ZNF335: variants seen among roughly 807,000 people sequenced by gnomAD.
ZNF335 encodes the protein NRC-interacting factor 1.
A neutral mutation model predicts 145.6 loss-of-function variants in ZNF335; 84 were observed. The observed-to-expected ratio is 0.58, with a 90% CI of 0.48 to 0.69. ZNF335 has a LOEUF of 0.69. Among genes scored for constraint, ZNF335 ranks in the 30% least tolerant of loss-of-function variants. The pLI, the probability that ZNF335 is intolerant of heterozygous loss-of-function variation, is 0.00. For synonymous variants in ZNF335, 761 were observed against 717.0 expected (o/e 1.06, Z -0.98); for missense variants, 1,865 against 1,809.7 (o/e 1.03, Z -0.55).
chr20:45,965,201 TCA>T (rs2083929122), intron 7 of ZNF335, among the ~76,000 whole-genome samples: 1 of 152,000 alleles, frequency 6.6e-6, no homozygotes. Flanking sequence ...AAGCTCCAAG[TCA>T]CACAGACTGC....
chr20:45,957,567 AG>A lies in ZNF335; in HGVS notation c.2442+18del. The A allele has an allele frequency of 6.2e-7, 1 of 1,611,056 alleles. No homozygotes were observed. The highest frequency in any genetic ancestry group is 1.1e-5 in the South Asian group (1 of 90,986). On this transcript the variant is annotated intron_variant, in intron 17 of 27. Coordinates refer to ENST00000322927, the MANE Select transcript of ZNF335 (RefSeq NM_022095.4). Reference sequence around the variant, plus strand: ...ACCTGCGGTAGCTGGGAAGGGGAGCAGGTTCCCAGGCAGCTCACCTGCAGGG... The same window carrying A: ...ACCTGCGGTAGCTGGGAAGGGGAGCAGTTCCCAGGCAGCTCACCTGCAGGG...
At chr20:45,964,194 G>A (rs2083907555) in intron 7 of ZNF335, 2 of 580,220 alleles carry the variant, frequency 3.4e-6, no homozygotes, top group Non-Finnish European at 2.8e-6. Context: ...TGTCAGCACA[G>A]TAGGACCTGG....
At chr20:45,952,059 G>A (rs1600521280) in intron 20 of ZNF335, 88 bp downstream of exon 20, 1 of 1,485,488 alleles carries the variant, frequency 6.7e-7, no homozygotes. Context: ...CAGAGGATCT[G>A]GCTTGAAAGG....
chr20:45,949,346 AG>A lies in ZNF335; in HGVS notation c.3805del (p.Leu1269PhefsTer104). ...HIQYEQGAPF[L>X]QESQIQYVPV... ...CCACGGCCCTACCTGGGACTCCTGA[AG>A]GAACGGGGCTCCTTGTTCATACTGG... On this transcript the variant is annotated frameshift_variant, in exon 26 of 28. Coordinates refer to ENST00000322927, the MANE Select transcript of ZNF335 (RefSeq NM_022095.4). LOFTEE classifies it high-confidence loss of function. The A allele has an allele frequency of 6.2e-7, 1 of 1,614,136 alleles. No individual in the cohort carries two copies. The highest frequency in any genetic ancestry group is 8.5e-7 in the Non-Finnish European group (1 of 1,180,016).
intron 17 of ZNF335, among the ~76,000 whole-genome samples, chr20:45,956,566 G>A (rs2083732322): frequency 6.6e-6 from 1 of 152,040 alleles, no homozygotes. Context: ...TTTGTAAGCA[G>A]AAAAACTCTA....
At chr20:45,953,211 ATGCC>A (rs2145362771) in intron 18 of ZNF335, among the ~76,000 whole-genome samples, 1 of 152,294 alleles carries the variant, frequency 6.6e-6, no homozygotes, top group Admixed American at 6.5e-5. Flanking sequence ...GAACATAAAC[ATGCC>A]TGCCCAAGCT....
At chr20:45,959,153 G>A (rs979222776) in intron 15 of ZNF335, 48 bp downstream of exon 15, 3 of 1,297,948 alleles carry the variant, frequency 2.3e-6, no homozygotes, top group Non-Finnish European at 3.0e-6. Flanking sequence ...TGCTGGGGCT[G>A]GGAGAAGCGG....
Position 45,957,685 on chromosome 20 carries a change from G to A in ZNF335, c.2348-5C>T. 3 of 1,614,112 alleles carry A rather than the reference G, an allele frequency of 1.9e-6. No homozygotes were observed. Among genetic ancestry groups the A allele is most frequent in the Non-Finnish European group, 2.5e-6 (3 of 1,179,978 alleles). On this transcript the variant is annotated splice_region_variant and splice_polypyrimidine_tract_variant and intron_variant, in intron 16 of 27. Coordinates refer to ENST00000322927, the MANE Select transcript of ZNF335 (RefSeq NM_022095.4). ...TCGCTGTCGACTCCTCAGCTCCTGG[G>A]TGGGGTGGGACCTAAGCCTGACAAA...
intron 18 of ZNF335, among the ~76,000 whole-genome samples, chr20:45,953,290 G>T (rs2083667558): frequency 6.6e-6 from 1 of 152,172 alleles, no homozygotes. Flanking sequence ...GCCTGAGCTT[G>T]CTCGGAGTGT....
At chr20:45,960,904 A>G in intron 10 of ZNF335, 22 bp from the exon 11 acceptor site, 1 of 1,612,988 alleles carries the variant, frequency 6.2e-7, no homozygotes. Flanking sequence ...AGGCCGAGGA[A>G]TTAGACCAGA....
At chr20:45,966,549 TTC>T (rs1377044335) in intron 6 of ZNF335, among the ~76,000 whole-genome samples, 1 of 142,752 alleles carries the variant, frequency 7.0e-6, no homozygotes, top group African/African-American at 2.8e-5. Flanking sequence ...TTCTTTTTCT[TTC>T]TTTTTTTTTT....
At chr20:45,972,050 G>A in intron 1 of ZNF335, 72 bp downstream of exon 1, 2 of 1,259,956 alleles carry the variant, frequency 1.6e-6, no homozygotes, top group Non-Finnish European at 2.1e-6. Context: ...CCTCGCCTCC[G>A]GGTATCCCCG....
At chr20:45,964,821 G>A (rs1478502709) in intron 7 of ZNF335, among the ~76,000 whole-genome samples, 2 of 152,180 alleles carry the variant, frequency 1.3e-5, no homozygotes, top group African/African-American at 2.4e-5. Flanking sequence ...CAGATCACCT[G>A]AGGTCAGGAG....
Position 45,954,064 on chromosome 20 carries a change from G to A in ZNF335, c.2443-116C>T. 3 of 1,269,510 alleles carry A rather than the reference G, an allele frequency of 2.4e-6. No homozygotes were observed. The South Asian group carries it at 4.5e-5, about 19-fold the overall frequency. 78.6% of individuals were successfully genotyped at this position (1,269,510 alleles called of 1,614,324 possible). A position where few individuals can be genotyped will look rare whatever the true frequency, so the allele number is the denominator to read the frequency against. On this transcript the variant is annotated intron_variant, in intron 17 of 27. Coordinates refer to ENST00000322927, the MANE Select transcript of ZNF335 (RefSeq NM_022095.4). ...ACCCACACACTCTAGTCAGACCAGT[G>A]CTGCCACCACTCATTTGAATAGCCC...
At position 45,959,340 on chromosome 20, in the gene ZNF335, A is replaced by C. The variant is rs1424416566; in HGVS notation, c.2114T>G (p.Phe705Cys). The C allele has an allele frequency of 1.3e-6, 2 of 1,585,786 alleles. No individual in the cohort carries two copies. The highest frequency in any genetic ancestry group is 1.7e-4 in the Middle Eastern group (1 of 5,978). ...AGGGTGGCGCCTCCCCCATTCCTCG[A>C]AGCTGCTTGCGTGTCGGCACCGTAC... is the stretch of plus-strand genomic sequence containing the variant. ...LHVRCRHASSFEEWGRRHPEE... is the reference protein window; with the variant it reads ...LHVRCRHASSCEEWGRRHPEE... The change falls in exon 15 of 28, where the codon TTC becomes TGC. Residue 705 changes from phenylalanine (F) to cysteine (C), a missense_variant. By Grantham distance (205) the Phe-to-Cys change is radical. Coordinates refer to ENST00000322927, the MANE Select transcript of ZNF335 (RefSeq NM_022095.4).
In ZNF335 at chr20:45,959,317, G is replaced by C; in HGVS notation, c.2137C>G (p.Pro713Ala). Reference sequence around the variant, plus strand: ...CGACGGCGGGAGGGGGGCTCCTCAGGGTGGCGCCTCCCCCATTCCTCGAAG... The same window carrying C: ...CGACGGCGGGAGGGGGGCTCCTCAGCGTGGCGCCTCCCCCATTCCTCGAAG... Reference protein sequence around the residue: ...SSFEEWGRRHPEEPPSRRRPF... With the variant: ...SSFEEWGRRHAEEPPSRRRPF... Residue 713 changes from proline to alanine, a missense_variant, in exon 15 of 28, where the codon CCT becomes GCT. By Grantham distance (27) the Pro-to-Ala change is conservative. Transcript: ENST00000322927. 2 of 1,581,900 alleles carry C rather than the reference G, an allele frequency of 1.3e-6. No homozygotes were observed. The highest frequency in any genetic ancestry group is 2.4e-5 in the East Asian group (1 of 42,508).
At chr20:45,965,237 C>A (rs975597958) in intron 7 of ZNF335, among the ~76,000 whole-genome samples, 2 of 152,012 alleles carry the variant, frequency 1.3e-5, no homozygotes, top group Non-Finnish European at 2.9e-5. Flanking sequence ...GGTGCTCACA[C>A]CACGGCTGGG....
Position 45,949,995 on chromosome 20 carries a change from CGAT to C in ZNF335, c.3559_3561del (p.Ile1187del), listed in dbSNP as rs1182218272. The C allele has an allele frequency of 2.5e-6, 4 of 1,614,154 alleles. No homozygotes were observed. The highest frequency in any genetic ancestry group is 1.1e-5 in the South Asian group (1 of 91,084). On this transcript the variant is annotated inframe_deletion, in exon 23 of 28. Transcript: ENST00000322927. Reference sequence around the variant, plus strand: ...TTGGTCACTGTCTGTTCCTGGGCAACGATGATGTGTTCCTGGCTCAGTGCCTGC... The same window carrying C: ...TTGGTCACTGTCTGTTCCTGGGCAACGATGTGTTCCTGGCTCAGTGCCTGC...
chr20:45,950,340 G>A lies in ZNF335; in HGVS notation c.3366C>T (p.Ile1122=). 3 of 1,585,438 alleles carry A rather than the reference G, an allele frequency of 1.9e-6. No homozygotes were observed. The highest frequency in any genetic ancestry group is 1.2e-5 in the South Asian group (1 of 85,736). Residue 1122 remains isoleucine (I), a synonymous_variant, in exon 22 of 28, where the codon ATC becomes ATT. Transcript: ENST00000322927. The stretch of plus-strand genomic sequence containing the variant: ...TCCCATCAGGACTGTGCAGCCGCTG[G>A]ATGTGGAACTTGAGGTGCCCGTTAC... ...FNRNGHLKFH[I]QRLHSPDGRK...
Sources: gnomAD v4.1 joint callset for allele counts (sites outside exome capture counted in the v4.1 genomes callset) on GRCh38, gnomAD v4.1.1 for gene constraint, MANE v1.5 for transcripts, NCBI Gene and HGNC (gene_info 2026-07-23, HGNC 2026-07-21) for gene names.